The following CXCL17 variants were observed in gnomAD, a reference collection of about 807,000 sequenced individuals.
CXCL17 encodes C-X-C motif chemokine 17.
In CXCL17, 9 loss-of-function variants were observed where a neutral mutation model predicts 15.5. The ratio of observed to expected loss-of-function variants is 0.58; its 90% CI spans 0.35 to 1.01. CXCL17 has a LOEUF of 1.01. Ranked by LOEUF, CXCL17 falls within the 50% of genes least tolerant of loss-of-function variation. The probability of loss-of-function intolerance (pLI) is 0.02; values close to 1 mark genes in which losing one functional copy is unlikely to be tolerated. For missense variants in CXCL17, 133 were observed against 138.2 expected (o/e 0.96, Z 0.19); for synonymous variants, 52 against 52.3 (o/e 0.99, Z 0.02).
chr19:42,434,714 G>A (rs918215575), intron 1 of CXCL17, among the ~76,000 whole-genome samples: 1 of 152,080 alleles, frequency 6.6e-6, no homozygotes, highest in South Asian at 2.1e-4. Flanking sequence ...ATAGGCATGA[G>A]CCACCACACC....
At chr19:42,433,661 G>A in intron 2 of CXCL17, 115 bp downstream of exon 2, 5 of 833,280 alleles carry the variant, frequency 6.0e-6, no homozygotes, top group South Asian at 5.8e-5. Context: ...AGGCTGTGGA[G>A]AGGGGAATGG....
intron 1 of CXCL17, among the ~76,000 whole-genome samples, chr19:42,438,381 A>ATATAT (rs1338855267): frequency 6.7e-4 from 43 of 63,788 alleles, no homozygotes; most frequent in South Asian, 1.4e-3. Context: ...AAAAAAAAAA[A>ATATAT]ATATATATAT....
At chr19:42,440,123 A>G (rs895935078) in intron 1 of CXCL17, among the ~76,000 whole-genome samples, 14 of 152,170 alleles carry the variant, frequency 9.2e-5, no homozygotes, top group African/African-American at 3.1e-4. Context: ...TGTGAGGACA[A>G]ATGAGATAGT....
intron 1 of CXCL17, among the ~76,000 whole-genome samples, chr19:42,439,029 G>A (rs1411820006): frequency 1.3e-5 from 2 of 152,132 alleles, no homozygotes; most frequent in Non-Finnish European, 2.9e-5. Context: ...CAAAGTGGGG[G>A]GATCACTTGA....
intron 1 of CXCL17, among the ~76,000 whole-genome samples, chr19:42,440,426 T>C (rs2040879966): frequency 6.6e-6 from 1 of 152,194 alleles, no homozygotes; most frequent in Non-Finnish European, 1.5e-5. Flanking sequence ...TAGCTCAGAC[T>C]CAGGCCTGCA....
Position 42,433,782 on chromosome 19 carries a change from A to C in CXCL17, c.154T>G (p.Cys52Gly). The change falls in exon 2 of 4, where the codon TGC becomes GGC. Residue 52 changes from cysteine to glycine, a missense_variant. Coordinates refer to ENST00000601181, the MANE Select transcript of CXCL17 (RefSeq NM_198477.3). ...TTGTTGCTGAATTACTGACCTTTGC[A>C]CTCACATTCTTGGCCGCCTTCCTGG... is the stretch of plus-strand genomic sequence containing the variant. Reference protein sequence around the residue: ...WLQEGGQECECKDWFLRAPRR... With the variant: ...WLQEGGQECEGKDWFLRAPRR... The C allele has an allele frequency of 6.2e-7, 1 of 1,613,664 alleles. No individual in the cohort carries two copies.
At chr19:42,433,267 A>G (rs546554542) in intron 2 of CXCL17, among the ~76,000 whole-genome samples, 190 bp from the exon 3 acceptor site, 2 of 152,174 alleles carry the variant, frequency 1.3e-5, no homozygotes, top group East Asian at 3.9e-4. Flanking sequence ...TTTCCTGACA[A>G]CTTTGGGCAA....
intron 3 of CXCL17, among the ~76,000 whole-genome samples, chr19:42,429,756 G>A (rs967074751): frequency 1.3e-5 from 2 of 152,110 alleles, no homozygotes; most frequent in African/African-American, 4.8e-5. Context: ...ATTTTCCAGG[G>A]CTAACCACTG....
chr19:42,441,606 ACT>A (rs1233950477), intron 1 of CXCL17, among the ~76,000 whole-genome samples: 1 of 152,038 alleles, frequency 6.6e-6, no homozygotes, highest in Non-Finnish European at 1.5e-5. Context: ...CTTCCAGAGC[ACT>A]CTCTCTACAA....
intron 1 of CXCL17, 138 bp from the exon 2 acceptor site, chr19:42,433,994 T>C (rs896408277): frequency 4.9e-6 from 3 of 609,126 alleles, no homozygotes; most frequent in Non-Finnish European, 8.6e-6. Flanking sequence ...AAGAGATGAA[T>C]ATTTTATTTT....
intron 1 of CXCL17, among the ~76,000 whole-genome samples, chr19:42,442,543 T>C (rs2040904498): frequency 1.3e-5 from 2 of 152,176 alleles, no homozygotes; most frequent in Non-Finnish European, 2.9e-5. Flanking sequence ...CAGTTGCAGA[T>C]ATTTTCACAT....
chr19:42,442,909 G>A lies in CXCL17; in HGVS notation c.-77C>T. 3 of 1,094,206 alleles carry A rather than the reference G, an allele frequency of 2.7e-6. No individual in the cohort carries two copies. Among genetic ancestry groups the A allele is most frequent in the Non-Finnish European group, 4.1e-6 (3 of 729,928 alleles). 67.8% of individuals were successfully genotyped at this position (1,094,206 alleles called of 1,614,324 possible). On this transcript the variant is annotated 5_prime_UTR_variant, in exon 1 of 4. Transcript: ENST00000601181. The stretch of plus-strand genomic sequence containing the variant: ...CCTGCTGGAGGCTCCTGATCCCTGG[G>A]GATGACTCAGGTCAGGATACTCAGC...
intron 1 of CXCL17, among the ~76,000 whole-genome samples, chr19:42,434,202 T>G (rs1600160334): frequency 6.6e-6 from 1 of 152,134 alleles, no homozygotes; most frequent in African/African-American, 2.4e-5. Context: ...ATTCAAAAAT[T>G]TAATGATTAA....
intron 1 of CXCL17, among the ~76,000 whole-genome samples, chr19:42,441,432 A>G (rs1371479169): frequency 6.6e-6 from 1 of 152,086 alleles, no homozygotes; most frequent in East Asian, 1.9e-4. Flanking sequence ...TTGGTTGGAG[A>G]AATAGTATTT....
At chr19:42,431,953 T>TC (rs35043408) in intron 3 of CXCL17, among the ~76,000 whole-genome samples, 11,089 of 152,052 alleles carry the variant, frequency 0.073, 1,306 homozygotes, top group African/African-American at 0.25. Flanking sequence ...TGTACCTATA[T>TC]TTTGAGCATC....
chr19:42,434,564 G>A (rs2040814583), intron 1 of CXCL17, among the ~76,000 whole-genome samples: 1 of 152,048 alleles, frequency 6.6e-6, no homozygotes, highest in Non-Finnish European at 1.5e-5. Context: ...GGGTAGCTGA[G>A]GCTTCAGGCA....
At chr19:42,441,109 G>A (rs1010516539) in intron 1 of CXCL17, among the ~76,000 whole-genome samples, 16 of 152,320 alleles carry the variant, frequency 1.1e-4, no homozygotes, top group African/African-American at 3.8e-4. Flanking sequence ...TGTTTGCTGA[G>A]TACTGAGCTG....
rs1474989181 is a variant in CXCL17, at chr19:42,428,661, C to G, written c.*223G>C. On this transcript the variant is annotated 3_prime_UTR_variant, in exon 4 of 4. Coordinates refer to ENST00000601181, the MANE Select transcript of CXCL17 (RefSeq NM_198477.3). ...AATCTTTCAGGTAATTAAGCCTAAG[C>G]CTGGGTAAGGGGAGGGCACAGGCTA... The G allele has an allele frequency of 2.2e-6, 1 of 445,752 alleles. No individual in the cohort carries two copies. Among genetic ancestry groups the G allele is most frequent in the Non-Finnish European group, 4.0e-6 (1 of 249,660 alleles). 27.6% of individuals were successfully genotyped at this position (445,752 alleles called of 1,614,324 possible).
chr19:42,430,864 G>A (rs888224504), intron 3 of CXCL17, among the ~76,000 whole-genome samples: 3 of 151,848 alleles, frequency 2.0e-5, no homozygotes, highest in Admixed American at 6.6e-5. Flanking sequence ...TTGAGATGGA[G>A]TCTCACTCTG....
Sources: allele counts gnomAD v4.1 joint callset (sites outside exome capture counted in the v4.1 genomes callset), GRCh38; gene constraint gnomAD v4.1.1; transcripts MANE v1.5; gene names NCBI Gene and HGNC (gene_info 2026-07-23, HGNC 2026-07-21).